The following DNAJC13 variants were observed in gnomAD, a reference collection of about 807,000 sequenced individuals.
DNAJC13 encodes dnaJ homolog subfamily C member 13.
A neutral mutation model predicts 290.5 loss-of-function variants in DNAJC13; 75 were observed. The ratio of observed to expected loss-of-function variants is 0.26; its 90% CI spans 0.21 to 0.31. The LOEUF (loss-of-function observed/expected upper bound fraction) is 0.31. Ranked by LOEUF, DNAJC13 falls within the 10% of genes least tolerant of loss-of-function variation. The pLI is 1.00. For synonymous variants in DNAJC13, 862 were observed against 892.0 expected (o/e 0.97, Z 0.60); for missense variants, 2,260 against 2,674.5 (o/e 0.85, Z 3.42).
chr3:132,437,679 A>G (rs1939416887), intron 2 of DNAJC13, among the ~76,000 whole-genome samples: 1 of 152,114 alleles, frequency 6.6e-6, no homozygotes, highest in African/African-American at 2.4e-5. Context: ...TGTATGCCTA[A>G]CCTTATGCCA....
chr3:132,537,039 A>C (rs1936612428), intron 55 of DNAJC13: 1 of 444,138 alleles, frequency 2.3e-6, no homozygotes, highest in African/African-American at 2.0e-5. Context: ...AACAAGATGA[A>C]TCTGAATGGT....
intron 51 of DNAJC13, 75 bp from the exon 52 acceptor site, chr3:132,525,535 C>T: frequency 1.4e-6 from 2 of 1,477,862 alleles, no homozygotes. Flanking sequence ...GTTTTGAACA[C>T]CAAATACATT....
chr3:132,475,434 T>C (rs1366234656), intron 22 of DNAJC13, among the ~76,000 whole-genome samples: 3 of 152,128 alleles, frequency 2.0e-5, no homozygotes, highest in African/African-American at 7.2e-5. Context: ...TTGTAACTTG[T>C]TTGATTTTTT....
intron 17 of DNAJC13, 63 bp downstream of exon 17, chr3:132,463,880 TACATAA>T: frequency 6.5e-7 from 1 of 1,529,318 alleles, no homozygotes; most frequent in South Asian, 1.2e-5. Flanking sequence ...ATTCAGATGT[TACATAA>T]AACTAAATGT....
At chr3:132,462,384 T>C in intron 15 of DNAJC13, 83 bp from the exon 16 acceptor site, 1 of 1,320,460 alleles carries the variant, frequency 7.6e-7, no homozygotes, top group Non-Finnish European at 1.1e-6. Context: ...TAAAAATGTA[T>C]ACCCTTCTTA....
Position 132,462,462 on chromosome 3 carries a change from T to C in DNAJC13, c.1714-5T>C. 1 of 1,609,124 alleles carries C rather than the reference T, an allele frequency of 6.2e-7. No homozygotes were observed. The highest frequency in any genetic ancestry group is 8.5e-7 in the Non-Finnish European group (1 of 1,178,334). ...TTTTGATACTTTTTCCCCCTCACTT[T>C]AAAGCATCCTTCCATGGCAATAATA... On this transcript the variant is annotated splice_region_variant and splice_polypyrimidine_tract_variant and intron_variant, in intron 15 of 55. Transcript: ENST00000260818.
chr3:132,511,178 G>A lies in DNAJC13; in HGVS notation c.5227G>A (p.Gly1743Arg), dbSNP rs553594179. The A allele has an allele frequency of 1.2e-6, 2 of 1,613,936 alleles. No homozygotes were observed. Among genetic ancestry groups the A allele is most frequent in the South Asian group, 2.2e-5 (2 of 91,068 alleles). ...GGCAAAAGTGGAGTCAGAGCAACAT[G>A]GAGATCGCTTACCGAGAGTAGAAAT... The part of the protein sequence containing the change: ...HAAKVESEQH[G>R]DRLPRVEMAL... Residue 1743 changes from glycine (G) to arginine (R), a missense_variant, in exon 44 of 56, where the codon GGA (glycine) becomes AGA (arginine). By Grantham distance (125) the Gly-to-Arg change is moderately radical. Coordinates refer to ENST00000260818, the MANE Select transcript of DNAJC13 (RefSeq NM_015268.4).
chr3:132,532,957 C>T (rs891603510), intron 55 of DNAJC13, among the ~76,000 whole-genome samples: 17 of 117,626 alleles, frequency 1.4e-4, no homozygotes, highest in African/African-American at 6.4e-4. Flanking sequence ...CGGAATTTTG[C>T]CATGTTAGCT....
chr3:132,431,190 CA>C (rs1221880246), intron 1 of DNAJC13, among the ~76,000 whole-genome samples: 1 of 152,134 alleles, frequency 6.6e-6, no homozygotes, highest in Non-Finnish European at 1.5e-5. Context: ...TATTTTTGAG[CA>C]CCTGTTTTGT....
chr3:132,461,582 A>C (rs1003604287), intron 15 of DNAJC13, among the ~76,000 whole-genome samples: 1 of 152,232 alleles, frequency 6.6e-6, no homozygotes, highest in African/African-American at 2.4e-5. Flanking sequence ...ATATTGGTAC[A>C]TTTTGAGTGT....
chr3:132,514,717 T>C (rs201608024), intron 46 of DNAJC13, 47 bp downstream of exon 46: 2 of 1,379,930 alleles, frequency 1.4e-6, no homozygotes, highest in African/African-American at 2.9e-5. Flanking sequence ...GATTAGCCCA[T>C]GGAAAGGAGT....
At position 132,528,176 on chromosome 3, in the gene DNAJC13, A is replaced by G; in HGVS notation, c.6382-13A>G. The G allele has an allele frequency of 6.2e-7, 1 of 1,613,472 alleles. No homozygotes were observed. The highest frequency in any genetic ancestry group is 8.5e-7 in the Non-Finnish European group (1 of 1,179,700). On this transcript the variant is annotated splice_polypyrimidine_tract_variant and intron_variant, in intron 53 of 55. Transcript: ENST00000260818. Reference sequence around the variant, plus strand: ...TTTTCTGTGTGTTTATATATGCTTAATATTTCTTCTAGGCCCTGAAAGCAG... The same window carrying G: ...TTTTCTGTGTGTTTATATATGCTTAGTATTTCTTCTAGGCCCTGAAAGCAG...
Position 132,479,229 on chromosome 3 carries a change from C to T in DNAJC13, c.2712C>T (p.Cys904=). 7 of 1,600,542 alleles carry T rather than the reference C, an allele frequency of 4.4e-6. No homozygotes were observed. The highest frequency in any genetic ancestry group is 6.0e-6 in the Non-Finnish European group (7 of 1,168,768). The change falls in exon 25 of 56, where the codon TGC becomes TGT. Residue 904 remains cysteine, a splice_region_variant and synonymous_variant. Coordinates refer to ENST00000260818, the MANE Select transcript of DNAJC13 (RefSeq NM_015268.4). ...TRYIIGMLER[C]TDKLERDRLI... Reference sequence around the variant, plus strand: ...CAGATTCTCATTTATTTCAATAGTGCACAGATAAACTTGAACGAGATAGGT... The same window carrying T: ...CAGATTCTCATTTATTTCAATAGTGTACAGATAAACTTGAACGAGATAGGT...
rs759751304 is a variant in DNAJC13 at position 132,474,919 on chromosome 3, T to A, written c.2292-13T>A. ...AGTGCATCCTGCTATTTCCTCATTA[T>A]ATGTATGTCTAGGTTTGGTCAAGAC... On this transcript the variant is annotated splice_polypyrimidine_tract_variant and intron_variant, in intron 21 of 55. Coordinates refer to ENST00000260818, the MANE Select transcript of DNAJC13 (RefSeq NM_015268.4). The A allele has an allele frequency of 6.6e-7, 1 of 1,520,382 alleles. No homozygotes were observed. Among genetic ancestry groups the A allele is most frequent in the African/African-American group, 1.4e-5 (1 of 71,364 alleles). 94.2% of individuals were successfully genotyped at this position (1,520,382 alleles called of 1,614,324 possible). A position where few individuals can be genotyped will look rare whatever the true frequency, so the allele number is the denominator to read the frequency against.
intron 1 of DNAJC13, among the ~76,000 whole-genome samples, chr3:132,428,507 G>A (rs1195178897): frequency 1.3e-5 from 2 of 151,956 alleles, no homozygotes; most frequent in Non-Finnish European, 2.9e-5. Flanking sequence ...TGGGGGTCTT[G>A]CCATGTTGCC....
At chr3:132,459,871 CAAAAG>C (rs1328438910) in intron 13 of DNAJC13, among the ~76,000 whole-genome samples, 2 of 152,078 alleles carry the variant, frequency 1.3e-5, no homozygotes, top group African/African-American at 4.8e-5. Context: ...TTTATACACT[CAAAAG>C]AAAATCACCC....
intron 2 of DNAJC13, among the ~76,000 whole-genome samples, chr3:132,440,686 T>A (rs1205916168): frequency 6.6e-6 from 1 of 152,254 alleles, no homozygotes; most frequent in Non-Finnish European, 1.5e-5. Context: ...AGTACAAAAC[T>A]AGTAATTTAC....
chr3:132,520,005 C>A (rs1936038594), intron 48 of DNAJC13, among the ~76,000 whole-genome samples: 2 of 152,104 alleles, frequency 1.3e-5, no homozygotes, highest in African/African-American at 4.8e-5. Context: ...CCATCAGATC[C>A]CTTGAGACTT....
At position 132,456,499 on chromosome 3, in the gene DNAJC13, A is replaced by AGGG; in HGVS notation, c.1100-1_1100insGGG. On this transcript the variant is annotated splice_acceptor_variant, in intron 10 of 55. Transcript: ENST00000260818. LOFTEE classifies it high-confidence loss of function. ...TTTTTGAACCTCTTAATCTCTTTAC[A>AGGG]GATGGCAACTTTGCAGATGCTGTAT... 1 of 1,613,748 alleles carries AGGG rather than the reference A, an allele frequency of 6.2e-7. No homozygotes were observed. Among genetic ancestry groups the AGGG allele is most frequent in the Non-Finnish European group, 8.5e-7 (1 of 1,179,860 alleles).
Sources: gnomAD v4.1 joint callset for allele counts (sites outside exome capture counted in the v4.1 genomes callset) on GRCh38, gnomAD v4.1.1 for gene constraint, MANE v1.5 for transcripts, NCBI Gene and HGNC (gene_info 2026-07-23, HGNC 2026-07-21) for gene names.